The following FLYWCH2 variants were observed in gnomAD, a reference collection of about 807,000 sequenced individuals.
FLYWCH2 encodes the protein FLYWCH family member 2.
In FLYWCH2, 2 loss-of-function variants were observed where a neutral mutation model predicts 6.0. The observed-to-expected ratio is 0.33, with a 90% CI of 0.14 to 1.04. FLYWCH2 has a LOEUF of 1.04. FLYWCH2 is among the 50% of genes least tolerant of loss of function. FLYWCH2 has a pLI of 0.45. For synonymous variants in FLYWCH2, 87 were observed against 79.3 expected (o/e 1.10, Z -0.52); for missense variants, 192 against 183.4 (o/e 1.05, Z -0.27).
chr16:2,896,242 G>A, intron 2 of FLYWCH2, 110 bp from the exon 3 acceptor site: 1 of 607,550 alleles, frequency 1.6e-6, no homozygotes, highest in Non-Finnish European at 2.8e-6. Context: ...TGTCAGTCTT[G>A]GCCCCAGCGA....
intron 1 of FLYWCH2, among the ~76,000 whole-genome samples, chr16:2,884,374 G>C (rs1449617727): frequency 6.6e-6 from 1 of 151,974 alleles, no homozygotes; most frequent in Non-Finnish European, 1.5e-5. Flanking sequence ...CATCGTCAGT[G>C]AGGGATTGAA....
In FLYWCH2 at chr16:2,899,361, C is replaced by A; in HGVS notation, c.*212C>A. 1 of 451,322 alleles carries A rather than the reference C, an allele frequency of 2.2e-6. No individual in the cohort carries two copies. The highest frequency in any genetic ancestry group is 3.9e-6 in the Non-Finnish European group (1 of 256,976). 28.0% of individuals were successfully genotyped at this position (451,322 alleles called of 1,614,324 possible). ...ATAAAAGAAGCTGTTCGCTAGACCC[C>A]ATAATGGGCAGGTTTTAAACATCCC... On this transcript the variant is annotated 3_prime_UTR_variant, in exon 4 of 4. Coordinates refer to ENST00000396958, the MANE Select transcript of FLYWCH2 (RefSeq NM_138439.3).
intron 1 of FLYWCH2, among the ~76,000 whole-genome samples, chr16:2,890,465 A>G (rs2069744247): frequency 6.7e-6 from 1 of 149,822 alleles, no homozygotes; most frequent in Admixed American, 6.7e-5. Context: ...CCCAGGCTGG[A>G]GTGCAGTGGC....
intron 1 of FLYWCH2, among the ~76,000 whole-genome samples, chr16:2,889,149 GT>G (rs370208853): frequency 7.1e-6 from 1 of 140,402 alleles, no homozygotes; most frequent in Non-Finnish European, 1.6e-5. Context: ...TGTTGTTGTT[GT>G]TTGTGTGTGT....
chr16:2,893,095 C>G (rs983339902), intron 1 of FLYWCH2, among the ~76,000 whole-genome samples: 2 of 151,580 alleles, frequency 1.3e-5, no homozygotes, highest in African/African-American at 4.8e-5. Context: ...ACTCCCAACT[C>G]CCACACACCC....
intron 1 of FLYWCH2, among the ~76,000 whole-genome samples, chr16:2,890,300 G>A (rs1188797410): frequency 6.6e-6 from 1 of 151,608 alleles, no homozygotes; most frequent in African/African-American, 2.4e-5. Context: ...CCAGGCTGGA[G>A]TGCAGTGGTG....
At chr16:2,888,275 G>T (rs1206172402) in intron 1 of FLYWCH2, among the ~76,000 whole-genome samples, 2 of 152,018 alleles carry the variant, frequency 1.3e-5, no homozygotes, top group Non-Finnish European at 2.9e-5. Flanking sequence ...CTCCCAAAGT[G>T]CTGGGATTAC....
At chr16:2,891,640 C>T (rs533802708) in intron 1 of FLYWCH2, among the ~76,000 whole-genome samples, 2 of 152,124 alleles carry the variant, frequency 1.3e-5, no homozygotes, top group East Asian at 2.0e-4. Context: ...CTCCTGACCT[C>T]GTGATCCACC....
chr16:2,890,559 C>T (rs996282869), intron 1 of FLYWCH2, among the ~76,000 whole-genome samples: 4 of 151,702 alleles, frequency 2.6e-5, no homozygotes, highest in South Asian at 2.1e-4. Flanking sequence ...GGATTACAGG[C>T]GCCTGCCACC....
At chr16:2,894,712 C>A (rs2069798213) in intron 1 of FLYWCH2, among the ~76,000 whole-genome samples, 1 of 152,220 alleles carries the variant, frequency 6.6e-6, no homozygotes, top group Admixed American at 6.5e-5. Context: ...CGAGAAGGTG[C>A]CCCTGGGGTG....
chr16:2,889,930 C>G lies in FLYWCH2; in HGVS notation c.-199-5290C>G, dbSNP rs1026957973. Among the ~76,000 whole-genome samples the G allele has an allele frequency of 2.0e-5, 3 of 152,108 alleles. No individual in the cohort carries two copies. The East Asian group carries it at 5.8e-4, about 29-fold the overall frequency. ...TGAAACCGTGTCTCTATTAAAAATA[C>G]GATAATTAGCCAGGCGTAGTGGTGC... On this transcript the variant is annotated intron_variant, in intron 1 of 3. Transcript: ENST00000396958.
intron 1 of FLYWCH2, among the ~76,000 whole-genome samples, chr16:2,893,632 T>C (rs1270959862): frequency 7.4e-6 from 1 of 134,678 alleles, no homozygotes; most frequent in East Asian, 2.1e-4. Context: ...TTTTCTTTTC[T>C]TCTTTTTTTT....
intron 1 of FLYWCH2, among the ~76,000 whole-genome samples, chr16:2,885,696 C>G (rs2069691027): frequency 6.6e-6 from 1 of 152,318 alleles, no homozygotes; most frequent in South Asian, 2.1e-4. Flanking sequence ...ACATGCACCA[C>G]ATTGTACTTA....
At chr16:2,889,621 G>A (rs1203227944) in intron 1 of FLYWCH2, among the ~76,000 whole-genome samples, 2 of 151,074 alleles carry the variant, frequency 1.3e-5, no homozygotes, top group African/African-American at 2.4e-5. Context: ...AATAGTTAAT[G>A]TTTTGGGTCA....
At chr16:2,893,634 CTTTT>C (rs35147234) in intron 1 of FLYWCH2, among the ~76,000 whole-genome samples, 1 of 111,928 alleles carries the variant, frequency 8.9e-6, no homozygotes, top group Non-Finnish European at 1.8e-5. Flanking sequence ...TTCTTTTCTT[CTTTT>C]TTTTTTTTTT....
rs543973601 is a variant in FLYWCH2 at position 2,897,073 on chromosome 16, C to G, written c.322+302C>G. Among the ~76,000 whole-genome samples the G allele has an allele frequency of 3.2e-3, 484 of 152,358 alleles. 2 individuals carry two copies. Among genetic ancestry groups the G allele is most frequent in the African/African-American group, 0.011 (462 of 41,584 alleles). On this transcript the variant is annotated intron_variant, in intron 3 of 3. Transcript: ENST00000396958. The stretch of plus-strand genomic sequence containing the variant: ...GGCGGGGCCCACAGGCAGCTGCCGT[C>G]AGCTTCAAGGTCTTGGCTCGCAGCT...
chr16:2,891,843 G>A (rs1596337535), intron 1 of FLYWCH2, among the ~76,000 whole-genome samples: 2 of 152,128 alleles, frequency 1.3e-5, no homozygotes, highest in Middle Eastern at 6.8e-3. Context: ...TGCAATCTCA[G>A]GTTGCTATGA....
At chr16:2,885,563 T>G (rs545362460) in intron 1 of FLYWCH2, among the ~76,000 whole-genome samples, 1 of 152,376 alleles carries the variant, frequency 6.6e-6, no homozygotes, top group South Asian at 2.1e-4. Context: ...TAATTTCATG[T>G]AAATGGAATC....
intron 1 of FLYWCH2, among the ~76,000 whole-genome samples, chr16:2,890,644 G>A (rs556587557): frequency 1.8e-4 from 27 of 148,432 alleles, no homozygotes; most frequent in East Asian, 1.6e-3. Flanking sequence ...AGGTTGTCTC[G>A]AACTCCTGAC....
Sources: gnomAD v4.1 joint callset for allele counts (sites outside exome capture counted in the v4.1 genomes callset) on GRCh38, gnomAD v4.1.1 for gene constraint, MANE v1.5 for transcripts, NCBI Gene and HGNC (gene_info 2026-07-23, HGNC 2026-07-21) for gene names.